The following CDH22 variants were observed in gnomAD, a reference collection of about 807,000 sequenced individuals.
CDH22 encodes the protein cadherin 22.
In CDH22, 30 loss-of-function variants were observed where a neutral mutation model predicts 58.4. The ratio of observed to expected loss-of-function variants is 0.51; its 90% CI spans 0.38 to 0.70. The LOEUF (loss-of-function observed/expected upper bound fraction) is 0.70, where lower values mean the gene tolerates loss of function less well. CDH22 is among the 30% of genes least tolerant of loss of function. The pLI, the probability that CDH22 is intolerant of heterozygous loss-of-function variation, is 0.00. For missense variants in CDH22, 1,014 were observed against 1,233.9 expected (o/e 0.82, Z 2.67); for synonymous variants, 513 against 558.2 (o/e 0.92, Z 1.14).
chr20:46,304,576 G>T (rs1488505568), intron 1 of CDH22, among the ~76,000 whole-genome samples: 1 of 152,222 alleles, frequency 6.6e-6, no homozygotes, highest in Non-Finnish European at 1.5e-5. Flanking sequence ...AGGCTTGTGG[G>T]TCTGACGACA....
intron 3 of CDH22, among the ~76,000 whole-genome samples, chr20:46,235,063 G>A (rs1284368255): frequency 6.6e-6 from 1 of 152,248 alleles, no homozygotes; most frequent in African/African-American, 2.4e-5. Flanking sequence ...TGTATAATGG[G>A]TGCTAATAAA....
At chr20:46,292,953 T>C (rs2086611295) in intron 1 of CDH22, among the ~76,000 whole-genome samples, 1 of 151,446 alleles carries the variant, frequency 6.6e-6, no homozygotes, top group Admixed American at 6.6e-5. Flanking sequence ...TGTGTGTGTA[T>C]GTGTGTCTTC....
intron 2 of CDH22, among the ~76,000 whole-genome samples, chr20:46,248,649 C>T (rs1218189061): frequency 2.0e-5 from 3 of 152,102 alleles, no homozygotes; most frequent in Non-Finnish European, 4.4e-5. Context: ...ATGGTGAAAC[C>T]TCATCTCTAC....
Position 46,174,812 on chromosome 20 carries a change from G to A in CDH22, c.2181C>T (p.Pro727=). ...GAGSPPQAHL[P]SERHSLPQGP... is the part of the protein sequence containing the mutation. ...CCTGCGGCAGCGAGTGGCGCTCGGA[G>A]GGCAGGTGGGCCTGCGGGGGGCTGC... Residue 727 remains proline, a synonymous_variant, in exon 12 of 12, where the codon CCC becomes CCT. Transcript: ENST00000537909. The surrounding 1 kb of genome is among the most constrained non-coding windows in gnomAD (Gnocchi z 4.4). 1 of 1,474,718 alleles carries A rather than the reference G, an allele frequency of 6.8e-7. No individual in the cohort carries two copies. Among genetic ancestry groups the A allele is most frequent in the African/African-American group, 1.5e-5 (1 of 68,488 alleles). 91.4% of individuals were successfully genotyped at this position (1,474,718 alleles called of 1,614,324 possible).
At chr20:46,197,850 T>C (rs1001943350) in intron 8 of CDH22, among the ~76,000 whole-genome samples, 2 of 151,826 alleles carry the variant, frequency 1.3e-5, no homozygotes, top group African/African-American at 4.8e-5. Flanking sequence ...GACCCCAGAA[T>C]GGGCCAGTGG....
chr20:46,273,707 T>C (rs2086503755), intron 1 of CDH22, among the ~76,000 whole-genome samples: 1 of 152,002 alleles, frequency 6.6e-6, no homozygotes, highest in Admixed American at 6.6e-5. Flanking sequence ...GCAGGGGGTA[T>C]CAGATAGGTG....
At chr20:46,254,128 A>G (rs1281602859) in intron 1 of CDH22, among the ~76,000 whole-genome samples, 1 of 152,230 alleles carries the variant, frequency 6.6e-6, no homozygotes, top group Non-Finnish European at 1.5e-5. Flanking sequence ...AGCAAGATGC[A>G]ATCAGTTATT....
At chr20:46,303,330 G>A (rs911437298) in intron 1 of CDH22, among the ~76,000 whole-genome samples, 1 of 152,030 alleles carries the variant, frequency 6.6e-6, no homozygotes, top group African/African-American at 2.4e-5. Context: ...AGATAACTGC[G>A]AGACAGCCTG....
chr20:46,190,338 A>G (rs1162869027), intron 8 of CDH22, among the ~76,000 whole-genome samples: 1 of 152,140 alleles, frequency 6.6e-6, no homozygotes, highest in Non-Finnish European at 1.5e-5. Context: ...AGTCAGCAGC[A>G]GAGCTGGGGT....
chr20:46,270,370 C>A (rs1444285783), intron 1 of CDH22, among the ~76,000 whole-genome samples: 1 of 152,158 alleles, frequency 6.6e-6, no homozygotes, highest in Non-Finnish European at 1.5e-5. Flanking sequence ...AGACTGTGAG[C>A]AGGGCCCCAT....
At chr20:46,279,711 A>C (rs541454610) in intron 1 of CDH22, among the ~76,000 whole-genome samples, 3 of 152,338 alleles carry the variant, frequency 2.0e-5, no homozygotes, top group Admixed American at 2.0e-4. Context: ...GTGGTGGGGA[A>C]GGGACTTCAG....
chr20:46,200,042 T>C (rs1479418374), intron 7 of CDH22, among the ~76,000 whole-genome samples: 2 of 152,192 alleles, frequency 1.3e-5, no homozygotes, highest in South Asian at 2.1e-4. Context: ...GGCACCATCT[T>C]GGCTCACTGC....
At chr20:46,187,038 G>T in intron 8 of CDH22, 91 bp from the exon 9 acceptor site, 1 of 1,354,722 alleles carries the variant, frequency 7.4e-7, no homozygotes, top group Non-Finnish European at 9.9e-7. Context: ...GTAGGCAGTG[G>T]GGTCATGCTG....
intron 4 of CDH22, chr20:46,220,994 A>G (rs2086120392): frequency 6.5e-6 from 1 of 152,880 alleles, no homozygotes. Flanking sequence ...ATAGGACATC[A>G]GCAAGTGTGA....
intron 4 of CDH22, 116 bp from the exon 5 acceptor site, chr20:46,217,109 G>T: frequency 1.0e-6 from 1 of 993,070 alleles, no homozygotes; most frequent in Non-Finnish European, 1.5e-6. Context: ...AAGCTCAGGA[G>T]GAGAGTGGGC....
chr20:46,219,488 AGTGT>A (rs139050034), intron 4 of CDH22, among the ~76,000 whole-genome samples: 1 of 151,468 alleles, frequency 6.6e-6, no homozygotes, highest in South Asian at 2.1e-4. Flanking sequence ...AATTCTCTGT[AGTGT>A]GTGTGTGTGT....
chr20:46,174,869 CCCGCCCGCGCTG>C lies in CDH22; in HGVS notation c.2112_2123del (p.Ser705_Gly708del), dbSNP rs1568646882. 3 of 1,345,664 alleles carry C rather than the reference CCCGCCCGCGCTG, an allele frequency of 2.2e-6. No individual in the cohort carries two copies. Among genetic ancestry groups the C allele is most frequent in the Non-Finnish European group, 1.9e-6 (2 of 1,046,608 alleles). The allele number at this position is 1,345,664 out of a possible 1,614,324, so 83.4% of individuals were successfully genotyped here. On this transcript the variant is annotated inframe_deletion, in exon 12 of 12. Coordinates refer to ENST00000537909, the MANE Select transcript of CDH22 (RefSeq NM_021248.3). This position sits in a 1 kb window ranked among gnomAD's most constrained non-coding sequence, Gnocchi z 4.4. ...CCCCGCCCGAGCCCCCGCCCGCTCC[CCCGCCCGCGCTG>C]CCGCCCCCGTCGCCGCCCTTGAGCT...
At chr20:46,176,274 C>G (rs1214814024) in intron 11 of CDH22, among the ~76,000 whole-genome samples, 1 of 152,220 alleles carries the variant, frequency 6.6e-6, no homozygotes, top group East Asian at 1.9e-4. Flanking sequence ...CAGCCTGGAC[C>G]TCTCCCCTGA....
At chr20:46,213,629 T>C (rs973657658) in intron 5 of CDH22, among the ~76,000 whole-genome samples, 1 of 152,226 alleles carries the variant, frequency 6.6e-6, no homozygotes, top group Non-Finnish European at 1.5e-5. Flanking sequence ...ACTTAGATGA[T>C]GACGCCTGTA....
Sources: gnomAD v4.1 joint callset for allele counts (sites outside exome capture counted in the v4.1 genomes callset) on GRCh38, gnomAD v4.1.1 for gene constraint, Gnocchi (gnomAD v3.1) non-coding constraint, MANE v1.5 for transcripts, NCBI Gene and HGNC (gene_info 2026-07-23, HGNC 2026-07-21) for gene names.